The following HECW1 variants were observed in gnomAD, a reference collection of about 807,000 sequenced individuals.
HECW1 encodes HECT, C2 and WW domain containing E3 ubiquitin protein ligase 1.
A neutral mutation model predicts 182.3 loss-of-function variants in HECW1; 61 were observed. The observed-to-expected ratio is 0.33, with a 90% CI of 0.27 to 0.41. HECW1 has a LOEUF of 0.41. HECW1 is among the 10% of genes least tolerant of loss of function. The pLI, the probability that HECW1 is intolerant of heterozygous loss-of-function variation, is 1.00. For missense variants in HECW1, 1,739 were observed against 2,108.9 expected, an observed-to-expected ratio of 0.82 and a Z score of 3.44; for synonymous variants, 859 against 832.6, an observed-to-expected ratio of 1.03 and a Z score of -0.55.
At chr7:43,228,502 G>C (rs1485575461) in intron 2 of HECW1, among the ~76,000 whole-genome samples, 2 of 152,202 alleles carry the variant, frequency 1.3e-5, no homozygotes, top group Non-Finnish European at 2.9e-5. Context: ...GAGGTGCAAA[G>C]AACTATGGGA....
intron 3 of HECW1, among the ~76,000 whole-genome samples, chr7:43,277,781 T>G (rs970850566): frequency 6.6e-6 from 1 of 152,004 alleles, no homozygotes; most frequent in African/African-American, 2.4e-5. Flanking sequence ...GTTGTTCTTG[T>G]TAGAACCACC....
At chr7:43,193,174 A>G (rs1794098186) in intron 2 of HECW1, among the ~76,000 whole-genome samples, 1 of 152,142 alleles carries the variant, frequency 6.6e-6, no homozygotes, top group Non-Finnish European at 1.5e-5. Flanking sequence ...ATGCATTATA[A>G]TTAGTGAATA....
chr7:43,442,550 A>C lies in HECW1; in HGVS notation c.966A>C (p.Thr322=). The C allele has an allele frequency of 1.9e-6, 3 of 1,613,672 alleles. No individual in the cohort carries two copies. In the East Asian group the frequency reaches 6.7e-5, roughly 36 times the overall value. Residue 322 remains threonine, a synonymous_variant, in exon 10 of 30, where the codon ACA becomes ACC. Coordinates refer to ENST00000395891, the MANE Select transcript of HECW1 (RefSeq NM_015052.5). The part of the protein sequence containing the change: ...HAIGDRVVSY[T]LGRRLPTDHV... ...CTAGGGATAGGGTGGTCAGCTACAC[A>C]CTTGGCCGCAGGCTTCCAACAGATC...
intron 2 of HECW1, among the ~76,000 whole-genome samples, chr7:43,185,893 T>C (rs1488993333): frequency 6.6e-6 from 1 of 152,198 alleles, no homozygotes; most frequent in Non-Finnish European, 1.5e-5. Context: ...ACAATTGGCA[T>C]GCAAACTTTC....
intron 3 of HECW1, among the ~76,000 whole-genome samples, chr7:43,261,230 G>T (rs1801135285): frequency 1.3e-5 from 2 of 152,102 alleles, no homozygotes; most frequent in Admixed American, 6.5e-5. Flanking sequence ...GAAAATTATT[G>T]GCATAGGAAA....
chr7:43,489,615 G>T (rs1285772021), intron 17 of HECW1, among the ~76,000 whole-genome samples: 3 of 152,176 alleles, frequency 2.0e-5, no homozygotes, highest in African/African-American at 7.2e-5. Context: ...CTTCAAGTAG[G>T]CCATGGGCAA....
chr7:43,268,503 C>T (rs1022803591), intron 3 of HECW1, among the ~76,000 whole-genome samples: 1 of 152,216 alleles, frequency 6.6e-6, no homozygotes, highest in Non-Finnish European at 1.5e-5. Context: ...GGACATGCTA[C>T]TGGACCTAGT....
At chr7:43,320,290 G>A (rs1400000420) in intron 4 of HECW1, among the ~76,000 whole-genome samples, 1 of 152,178 alleles carries the variant, frequency 6.6e-6, no homozygotes, top group Non-Finnish European at 1.5e-5. Context: ...AGAAGCTTTA[G>A]GAGGAAGATT....
intron 8 of HECW1, among the ~76,000 whole-genome samples, chr7:43,423,136 A>T (rs2076249543): frequency 6.6e-6 from 1 of 152,246 alleles, no homozygotes; most frequent in Non-Finnish European, 1.5e-5. Flanking sequence ...TAGCACAAAA[A>T]AATCACATTT....
At chr7:43,130,449 C>T (rs1198516595) in intron 2 of HECW1, among the ~76,000 whole-genome samples, 2 of 152,162 alleles carry the variant, frequency 1.3e-5, no homozygotes, top group Admixed American at 1.3e-4. Flanking sequence ...AAGGGTGTCA[C>T]TATCTCAGGC....
intron 5 of HECW1, among the ~76,000 whole-genome samples, chr7:43,333,439 G>A (rs1811744933): frequency 6.6e-6 from 1 of 152,190 alleles, no homozygotes; most frequent in South Asian, 2.1e-4. Flanking sequence ...TGTATGGATG[G>A]ATTCCATTTG....
At chr7:43,347,761 G>A (rs764642058) in intron 5 of HECW1, among the ~76,000 whole-genome samples, 14 of 151,918 alleles carry the variant, frequency 9.2e-5, no homozygotes, top group Non-Finnish European at 1.9e-4. Context: ...TGCTTTCTCT[G>A]TATCTATTGA....
intron 2 of HECW1, among the ~76,000 whole-genome samples, chr7:43,134,654 C>T (rs1271800078): frequency 6.6e-6 from 1 of 152,088 alleles, no homozygotes; most frequent in East Asian, 1.9e-4. Context: ...TACAGGCATG[C>T]ACCACCATGC....
intron 8 of HECW1, among the ~76,000 whole-genome samples, chr7:43,429,653 T>A (rs969483289): frequency 6.6e-6 from 1 of 152,174 alleles, no homozygotes; most frequent in Non-Finnish European, 1.5e-5. Context: ...GTCACATACA[T>A]TGCAAGGTTC....
At chr7:43,175,726 G>A (rs151236056) in intron 2 of HECW1, among the ~76,000 whole-genome samples, 115 of 152,288 alleles carry the variant, frequency 7.6e-4, no homozygotes, top group African/African-American at 2.6e-3. Flanking sequence ...TTTGTGTAAC[G>A]AACAAGTCAT....
chr7:43,416,771 G>C lies in HECW1; in HGVS notation c.801+9040G>C, dbSNP rs563792048. Among the ~76,000 whole-genome samples, 15 of 147,280 alleles carry C rather than the reference G, an allele frequency of 1.0e-4. No homozygotes were observed. The East Asian group carries it at 2.6e-3, about 26-fold the overall frequency. ...AGCCGGTCTGAAAAGCGTAATATTC[G>C]GGTGGGAGTGACCCGATTTTCCAGG... On this transcript the variant is annotated intron_variant, in intron 8 of 29. Coordinates refer to ENST00000395891, the MANE Select transcript of HECW1 (RefSeq NM_015052.5).
At chr7:43,151,529 A>G (rs777746004) in intron 2 of HECW1, among the ~76,000 whole-genome samples, 3 of 152,204 alleles carry the variant, frequency 2.0e-5, no homozygotes, top group South Asian at 2.1e-4. Context: ...TCAATTAGCA[A>G]TCTCAAGGAG....
chr7:43,483,978 G>A (rs1276251003), intron 17 of HECW1, among the ~76,000 whole-genome samples: 1 of 152,158 alleles, frequency 6.6e-6, no homozygotes, highest in Admixed American at 6.6e-5. Flanking sequence ...GCCGAGTTGA[G>A]GTGACAAAGA....
chr7:43,525,209 G>A (rs998348082), intron 24 of HECW1, among the ~76,000 whole-genome samples: 1 of 152,144 alleles, frequency 6.6e-6, no homozygotes, highest in African/African-American at 2.4e-5. Context: ...CAGCATCATG[G>A]CTGAGAAATT....
Sources: gnomAD v4.1 joint callset for allele counts (sites outside exome capture counted in the v4.1 genomes callset) on GRCh38, gnomAD v4.1.1 for gene constraint, MANE v1.5 for transcripts, NCBI Gene and HGNC (gene_info 2026-07-23, HGNC 2026-07-21) for gene names.